DLGAP3: variants seen among roughly 807,000 people sequenced by gnomAD.
DLGAP3 encodes disks large-associated protein 3.
A neutral mutation model predicts 81.2 loss-of-function variants in DLGAP3; 17 were observed. The observed-to-expected ratio is 0.21, with a 90% CI of 0.14 to 0.31. DLGAP3 has a LOEUF of 0.31. Ranked by LOEUF, DLGAP3 falls within the 10% of genes least tolerant of loss-of-function variation. The pLI, the probability that DLGAP3 is intolerant of heterozygous loss-of-function variation, is 1.00. For synonymous variants in DLGAP3, 577 were observed against 587.4 expected (o/e 0.98, Z 0.26); for missense variants, 1,124 against 1,388.0 (o/e 0.81, Z 3.02).
At chr1:34,882,538 G>T (rs1639162203) in intron 8 of DLGAP3, among the ~76,000 whole-genome samples, 1 of 152,148 alleles carries the variant, frequency 6.6e-6, no homozygotes, top group Non-Finnish European at 1.5e-5. Context: ...CACACTAGCA[G>T]TGCCTAGTTG....
chr1:34,923,716 C>T (rs1306688951), intron 1 of DLGAP3, among the ~76,000 whole-genome samples: 1 of 152,050 alleles, frequency 6.6e-6, no homozygotes, highest in African/African-American at 2.4e-5. Context: ...CCTCCCAGCA[C>T]CCACAGCAGA....
intron 5 of DLGAP3, among the ~76,000 whole-genome samples, chr1:34,894,117 G>A (rs1380370621): frequency 6.6e-6 from 1 of 152,144 alleles, no homozygotes; most frequent in Admixed American, 6.5e-5. Context: ...GAGCCTGGGA[G>A]GTCAAGGCTG....
chr1:34,887,422 T>G (rs914293194), intron 5 of DLGAP3, among the ~76,000 whole-genome samples: 4 of 149,716 alleles, frequency 2.7e-5, no homozygotes, highest in Non-Finnish European at 5.9e-5. Flanking sequence ...AAAAAAAAAG[T>G]TAAAGTATGA....
intron 8 of DLGAP3, among the ~76,000 whole-genome samples, chr1:34,883,384 G>C (rs182084813): frequency 2.4e-3 from 366 of 152,290 alleles, no homozygotes; most frequent in Non-Finnish European, 4.3e-3. Flanking sequence ...AGGATTCAAG[G>C]GTTATTAGGA....
chr1:34,920,301 G>T (rs762744015), intron 1 of DLGAP3, among the ~76,000 whole-genome samples: 18 of 152,132 alleles, frequency 1.2e-4, no homozygotes, highest in Non-Finnish European at 2.5e-4. Context: ...CAGAGACCCC[G>T]CATGGCAGCC....
In DLGAP3 at chr1:34,904,769, G is replaced by A. The variant is rs1422315604; in HGVS notation, c.615C>T (p.Gly205=). ...YNGPKAEGRG[G]SGGDSYPGPG... The stretch of plus-strand genomic sequence containing the variant: ...GGCCGGGGTAGCTGTCTCCTCCAGA[G>A]CCACCTCTTCCCTCAGCCTTGGGCC... Residue 205 remains glycine, a synonymous_variant, in exon 3 of 12, where the codon GGC becomes GGT. Transcript: ENST00000373347. The surrounding 1 kb of genome is among the most constrained non-coding windows in gnomAD (Gnocchi z 8.1). 1 of 1,611,170 alleles carries A rather than the reference G, an allele frequency of 6.2e-7. No individual in the cohort carries two copies.
intron 5 of DLGAP3, 46 bp downstream of exon 5, chr1:34,899,623 A>C: frequency 6.7e-7 from 1 of 1,484,218 alleles, no homozygotes; most frequent in Non-Finnish European, 9.4e-7. Context: ...ATGGGACTGA[A>C]TCCCTTTTTC....
intron 8 of DLGAP3, among the ~76,000 whole-genome samples, chr1:34,870,651 C>T (rs892650173): frequency 4.6e-5 from 7 of 152,204 alleles, no homozygotes; most frequent in Non-Finnish European, 8.8e-5. Flanking sequence ...ATGTCCCAAC[C>T]CCCACCCAGA....
Position 34,904,829 on chromosome 1 carries a change from G to C in DLGAP3, c.555C>G (p.His185Gln). The change falls in exon 3 of 12, where the codon CAC (histidine) becomes CAG (glutamine). Residue 185 changes from histidine to glutamine, a missense_variant. Physicochemically the swap from His to Gln is conservative, Grantham distance 24. Transcript: ENST00000373347. This position sits in a 1 kb window ranked among gnomAD's most constrained non-coding sequence, Gnocchi z 8.1. ...HSVQKLFAKS[H>Q]SLEAPGKRDY... is the part of the protein sequence containing the mutation. The stretch of plus-strand genomic sequence containing the variant: ...CCCGCTTCCCCGGCGCCTCCAGAGA[G>C]TGGGACTTGGCAAAGAGCTTCTGCA... 1.2e-6 allele frequency: 2 copies of C among 1,610,188 alleles called. No homozygotes were observed. Among genetic ancestry groups the C allele is most frequent in the Non-Finnish European group, 1.7e-6 (2 of 1,180,028 alleles).
At chr1:34,876,120 T>C (rs994900916) in intron 8 of DLGAP3, among the ~76,000 whole-genome samples, 1 of 151,910 alleles carries the variant, frequency 6.6e-6, no homozygotes, top group African/African-American at 2.4e-5. Context: ...ATAATACAGA[T>C]CCAATAAATA....
intron 1 of DLGAP3, among the ~76,000 whole-genome samples, chr1:34,912,175 G>A (rs575706982): frequency 6.6e-6 from 1 of 152,234 alleles, no homozygotes; most frequent in Non-Finnish European, 1.5e-5. Context: ...CCTGGCACAT[G>A]ATAAAGACTC....
At chr1:34,899,192 C>T (rs1639418652) in intron 5 of DLGAP3, among the ~76,000 whole-genome samples, 1 of 152,108 alleles carries the variant, frequency 6.6e-6, no homozygotes, top group South Asian at 2.1e-4. Context: ...CCTCAGCCTC[C>T]CGAGTAGCTG....
chr1:34,899,612 C>T, intron 5 of DLGAP3, 57 bp downstream of exon 5: 1 of 1,418,522 alleles, frequency 7.0e-7, no homozygotes, highest in Non-Finnish European at 1.0e-6. Flanking sequence ...CTAAGCTGAG[C>T]ATGGGACTGA....
At chr1:34,887,236 T>A (rs1639248173) in intron 5 of DLGAP3, among the ~76,000 whole-genome samples, 1 of 152,064 alleles carries the variant, frequency 6.6e-6, no homozygotes, top group Non-Finnish European at 1.5e-5. Flanking sequence ...ATTATAGGCG[T>A]GAGCCACCGC....
rs1638902883 is a variant in DLGAP3, at chr1:34,867,424, T to C, written c.2577+112A>G. 13 of 1,093,168 alleles carry C rather than the reference T, an allele frequency of 1.2e-5. No individual in the cohort carries two copies. In the South Asian group the frequency reaches 1.5e-4, roughly 13 times the overall value. 67.7% of individuals were successfully genotyped at this position (1,093,168 alleles called of 1,614,324 possible). ...AGCTACCCCAGAAGGCATGCAGGCC[T>C]GGTCTCACCTCTGGTACACACTCAC... On this transcript the variant is annotated intron_variant, in intron 10 of 11. Coordinates refer to ENST00000373347, the MANE Select transcript of DLGAP3 (RefSeq NM_001080418.3). This position sits in a 1 kb window ranked among gnomAD's most constrained non-coding sequence, Gnocchi z 4.3.
chr1:34,899,426 G>A (rs1639422673), intron 5 of DLGAP3, among the ~76,000 whole-genome samples: 1 of 152,312 alleles, frequency 6.6e-6, no homozygotes. Context: ...AGAGCCCCAG[G>A]GCACTGGCGT....
At chr1:34,922,404 G>A (rs1639808831) in intron 1 of DLGAP3, among the ~76,000 whole-genome samples, 1 of 152,090 alleles carries the variant, frequency 6.6e-6, no homozygotes, top group African/African-American at 2.4e-5. Flanking sequence ...TTATTCACAG[G>A]TTTGCCTCAA....
Position 34,905,204 on chromosome 1 carries a change from T to G in DLGAP3, c.180A>C (p.Glu60Asp). 1 of 1,592,206 alleles carries G rather than the reference T, an allele frequency of 6.3e-7. No individual in the cohort carries two copies. The highest frequency in any genetic ancestry group is 8.5e-7 in the Non-Finnish European group (1 of 1,169,808). ...GCCCCTCACTCAGGCTCAGGGGCCC[T>G]TCAGGAGAAATGTGTCCCAGGCCAG... is the stretch of plus-strand genomic sequence containing the variant. Reference protein sequence around the residue: ...PRAGLGHISPEGPLSLSEGPS... With the variant: ...PRAGLGHISPDGPLSLSEGPS... Residue 60 changes from glutamate (E) to aspartate (D), a missense_variant, in exon 3 of 12, where the codon GAA (glutamate) becomes GAC (aspartate). By Grantham distance (45) the Glu-to-Asp change is conservative. This residue lies in a region of DLGAP3 where 167 missense variants were observed against 172.1 expected (regional missense o/e 0.97). Coordinates refer to ENST00000373347, the MANE Select transcript of DLGAP3 (RefSeq NM_001080418.3).
At chr1:34,878,771 A>G (rs12090805) in intron 8 of DLGAP3, among the ~76,000 whole-genome samples, 1 of 152,136 alleles carries the variant, frequency 6.6e-6, no homozygotes, top group African/African-American at 2.4e-5. Context: ...TTTGTGGAAG[A>G]CAATTTTTCC....
Sources: gnomAD v4.1 joint callset for allele counts (sites outside exome capture counted in the v4.1 genomes callset) on GRCh38, gnomAD v4.1.1 for gene constraint, gnomAD v4.1.1 regional missense constraint, Gnocchi (gnomAD v3.1) non-coding constraint, MANE v1.5 for transcripts, NCBI Gene and HGNC (gene_info 2026-07-23, HGNC 2026-07-21) for gene names.